ZMYND10: variants seen among roughly 807,000 people sequenced by gnomAD.
ZMYND10 encodes zinc finger MYND-type containing 10.
Under a neutral mutation model 62.6 loss-of-function variants are expected in ZMYND10, and 52 were observed. The ratio of observed to expected loss-of-function variants is 0.83; its 90% CI spans 0.67 to 1.05. The LOEUF is 1.05. Ranked by LOEUF, ZMYND10 falls within the 50% of genes least tolerant of loss-of-function variation. The pLI is 0.00. For synonymous variants in ZMYND10, 197 were observed against 218.5 expected (o/e 0.90, Z 0.87); for missense variants, 438 against 543.3 (o/e 0.81, Z 1.93).
rs139470906 is a variant in ZMYND10 at position 50,343,580 on chromosome 3, T to C, written c.355A>G (p.Thr119Ala). 1.2e-6 allele frequency: 2 copies of C among 1,614,112 alleles called. No homozygotes were observed. Among genetic ancestry groups the C allele is most frequent in the East Asian group, 2.2e-5 (1 of 44,886 alleles). ...TCCCTCACCTTGTGGAAGAACACTG[T>C]CTCCAAGAGGTTGATGATGGAGGCC... is the stretch of plus-strand genomic sequence containing the variant. ...HEASIINLLE[T>A]VFFHKEVCES... The change falls in exon 4 of 12, where the codon ACA becomes GCA. Residue 119 changes from threonine to alanine, a missense_variant. Transcript: ENST00000231749.
At chr3:50,342,888 G>A (rs1418357102) in intron 7 of ZMYND10, 30 bp downstream of exon 7, 4 of 1,607,652 alleles carry the variant, frequency 2.5e-6, no homozygotes, top group Non-Finnish European at 3.4e-6. Context: ...GCAGTAGCCT[G>A]GGGCTTAGGC....
At position 50,343,038 on chromosome 3, in the gene ZMYND10, G is replaced by C. The variant is rs1010955910; in HGVS notation, c.600-20C>G. 1.6e-5 allele frequency: 26 copies of C among 1,613,932 alleles called. No homozygotes were observed. The highest frequency in any genetic ancestry group is 2.2e-5 in the Non-Finnish European group (26 of 1,179,916). On this transcript the variant is annotated intron_variant, in intron 6 of 11. Transcript: ENST00000231749. ...GAGAGGCTAGGGGCAGGGACGTTGT[G>C]AAGGAGGTGAGTAGAGGCAGGCTAC...
rs779662306 is a variant in ZMYND10, at chr3:50,343,342, CA to C, written c.474del (p.Glu159ArgfsTer20). ...LVAQSGCGGP[P>X]EGEGSQDSNP... is the part of the protein sequence containing the mutation. ...TTGCTGTCCTGGGATCCCTCCCCCT[CA>C]GGGGGGCCACCACAGCCACTCTGGG... is the stretch of plus-strand genomic sequence containing the variant. On this transcript the variant is annotated frameshift_variant, in exon 5 of 12. Coordinates refer to ENST00000231749, the MANE Select transcript of ZMYND10 (RefSeq NM_015896.4). LOFTEE classifies it high-confidence loss of function. 7 of 1,612,680 alleles carry C rather than the reference CA, an allele frequency of 4.3e-6. No homozygotes were observed. The highest frequency in any genetic ancestry group is 5.1e-6 in the Non-Finnish European group (6 of 1,179,392).
Position 50,343,249 on chromosome 3 carries a change from C to T in ZMYND10, c.511-43G>A, listed in dbSNP as rs369685743. 62 of 1,613,826 alleles carry T rather than the reference C, an allele frequency of 3.8e-5. No homozygotes were observed. In the African/African-American group the frequency reaches 6.1e-4, roughly 16 times the overall value. ...GTTCACGCTGGGCCACCCTCACCTG[C>T]GCAGGCCTTGGGGAACCCAGACCTA... On this transcript the variant is annotated intron_variant, in intron 5 of 11. Coordinates refer to ENST00000231749, the MANE Select transcript of ZMYND10 (RefSeq NM_015896.4).
intron 7 of ZMYND10, 46 bp from the exon 8 acceptor site, chr3:50,342,615 T>G: frequency 6.3e-7 from 1 of 1,581,614 alleles, no homozygotes; most frequent in South Asian, 1.2e-5. Flanking sequence ...TGAATTCTCT[T>G]CAAGTGAGCC....
At position 50,345,245 on chromosome 3, in the gene ZMYND10, G is replaced by C; in HGVS notation, c.93-13C>G. ...CTGCTGGTTCCACCTGCCTCAGAGG[G>C]TAAGTGCATGTGCGTCCACGTGTGT... is the stretch of plus-strand genomic sequence containing the variant. On this transcript the variant is annotated splice_polypyrimidine_tract_variant and intron_variant, in intron 1 of 11. Coordinates refer to ENST00000231749, the MANE Select transcript of ZMYND10 (RefSeq NM_015896.4). This position sits in a 1 kb window ranked among gnomAD's most constrained non-coding sequence, Gnocchi z 5.0. The C allele has an allele frequency of 6.2e-7, 1 of 1,611,616 alleles. No homozygotes were observed. The highest frequency in any genetic ancestry group is 8.5e-7 in the Non-Finnish European group (1 of 1,178,874).
In ZMYND10 at chr3:50,343,607, C is replaced by T. The variant is rs773562663; in HGVS notation, c.328G>A (p.Glu110Lys). Residue 110 changes from glutamate (E) to lysine (K), a missense_variant, in exon 4 of 12, where the codon GAG becomes AAG. By Grantham distance (56) the Glu-to-Lys change is moderately conservative. Coordinates refer to ENST00000231749, the MANE Select transcript of ZMYND10 (RefSeq NM_015896.4). The part of the protein sequence containing the change: ...TFPIYMVVHH[E>K]ASIINLLETV... ...TCCAAGAGGTTGATGATGGAGGCCT[C>T]GTGGTGCACCTGTCAGATAAAGAGA... The T allele has an allele frequency of 1.9e-6, 3 of 1,614,014 alleles. No individual in the cohort carries two copies. Among genetic ancestry groups the T allele is most frequent in the African/African-American group, 2.7e-5 (2 of 74,904 alleles).
chr3:50,343,217 A>C lies in ZMYND10; in HGVS notation c.511-11T>G. On this transcript the variant is annotated splice_polypyrimidine_tract_variant and intron_variant, in intron 5 of 11. Transcript: ENST00000231749. ...CTGCTTCTGCAGCTCCTGGGAGGTC[A>C]CACAGTGTTCACGCTGGGCCACCCT... The C allele has an allele frequency of 6.2e-7, 1 of 1,614,116 alleles. No homozygotes were observed. The highest frequency in any genetic ancestry group is 8.5e-7 in the Non-Finnish European group (1 of 1,179,968).
rs755542699 is a variant in ZMYND10, at chr3:50,341,681, C to T, written c.1140G>A (p.Arg380=). Reference sequence around the variant, plus strand: ...GAGCCACTGCCTCTAGCACATCCAGCCTGTAGGTCTCAGCCCACCTGGGGG... The same window carrying T: ...GAGCCACTGCCTCTAGCACATCCAGTCTGTAGGTCTCAGCCCACCTGGGGG... ...LQARRWAETY[R]LDVLEAVAPE... Residue 380 remains arginine (R), a synonymous_variant, in exon 11 of 12, where the codon AGG becomes AGA. Transcript: ENST00000231749. 4.3e-6 allele frequency: 7 copies of T among 1,614,106 alleles called. No homozygotes were observed. Among genetic ancestry groups the T allele is most frequent in the African/African-American group, 2.7e-5 (2 of 74,948 alleles).
rs2109354301 is a variant in ZMYND10 at position 50,341,304 on chromosome 3, GGA to G, written c.*104_*105del. Reference sequence around the variant, plus strand: ...TACCGCCCGCTCTGCTCTCCACTGCGGAGACTGGGGCTCCGGCAGAGGCTGGA... The same window carrying G: ...TACCGCCCGCTCTGCTCTCCACTGCGGACTGGGGCTCCGGCAGAGGCTGGA... On this transcript the variant is annotated 3_prime_UTR_variant, in exon 12 of 12. Coordinates refer to ENST00000231749, the MANE Select transcript of ZMYND10 (RefSeq NM_015896.4). The G allele has an allele frequency of 7.2e-7, 1 of 1,389,160 alleles. No individual in the cohort carries two copies. The highest frequency in any genetic ancestry group is 2.3e-5 in the East Asian group (1 of 42,998). 86.1% of individuals were successfully genotyped at this position (1,389,160 alleles called of 1,614,324 possible).
At position 50,342,214 on chromosome 3, in the gene ZMYND10, G is replaced by C. The variant is rs1471796651; in HGVS notation, c.874-74C>G. 4 of 1,588,274 alleles carry C rather than the reference G, an allele frequency of 2.5e-6. No homozygotes were observed. In the East Asian group the frequency reaches 6.7e-5, roughly 27 times the overall value. On this transcript the variant is annotated intron_variant, in intron 8 of 11. Coordinates refer to ENST00000231749, the MANE Select transcript of ZMYND10 (RefSeq NM_015896.4). ...GGGCCAAGGAAAAGGAAGGGGCTGG[G>C]TTGGGCTGAGAATGCCTGTGGGGGC...
rs1343557059 is a variant in ZMYND10, at chr3:50,341,204, G to T, written c.*206C>A. 3 of 673,096 alleles carry T rather than the reference G, an allele frequency of 4.5e-6. No homozygotes were observed. The highest frequency in any genetic ancestry group is 7.5e-6 in the Non-Finnish European group (3 of 400,298). 41.7% of individuals were successfully genotyped at this position (673,096 alleles called of 1,614,324 possible). On this transcript the variant is annotated 3_prime_UTR_variant, in exon 12 of 12. Coordinates refer to ENST00000231749, the MANE Select transcript of ZMYND10 (RefSeq NM_015896.4). ...CCGGTTTGCTGAAGCAACACACTTG[G>T]CCTACCCACTGGGTGGGGCAGGAAG...
chr3:50,345,102 C>A lies in ZMYND10; in HGVS notation c.201+22G>T. ...GTGAGGTATGGGGGAAGGCAGGAAC[C>A]CTGCCTGTGACCTCGGGGTACCTTC... On this transcript the variant is annotated intron_variant, in intron 2 of 11. Coordinates refer to ENST00000231749, the MANE Select transcript of ZMYND10 (RefSeq NM_015896.4). This position sits in a 1 kb window ranked among gnomAD's most constrained non-coding sequence, Gnocchi z 5.0. 1.2e-6 allele frequency: 2 copies of A among 1,609,470 alleles called. No individual in the cohort carries two copies. Among genetic ancestry groups the A allele is most frequent in the Non-Finnish European group, 1.7e-6 (2 of 1,177,382 alleles).
At position 50,342,109 on chromosome 3, in the gene ZMYND10, T is replaced by C; in HGVS notation, c.905A>G (p.Asp302Gly). The C allele has an allele frequency of 6.2e-7, 1 of 1,613,246 alleles. No individual in the cohort carries two copies. The highest frequency in any genetic ancestry group is 8.5e-7 in the Non-Finnish European group (1 of 1,179,672). ...LRAFLTDTLL[D>G]QLPNLAHLQS... ...CAAGTGGGCCAGGTTGGGCAGCTGG[T>C]CCAGCAGTGTGTCTGTGAGGAAGGC... The change falls in exon 9 of 12, where the codon GAC (aspartate) becomes GGC (glycine). Residue 302 changes from aspartate to glycine, a missense_variant. By Grantham distance (94) the Asp-to-Gly change is moderately conservative. Transcript: ENST00000231749.
Position 50,345,270 on chromosome 3 carries a change from T to C in ZMYND10, c.93-38A>G. ...GTAAGTGCATGTGCGTCCACGTGTG[T>C]GCATTAGGAGTGGGGATGGGGGCTG... On this transcript the variant is annotated intron_variant, in intron 1 of 11. Transcript: ENST00000231749. The surrounding 1 kb of genome is among the most constrained non-coding windows in gnomAD (Gnocchi z 5.0). The C allele has an allele frequency of 6.3e-7, 1 of 1,599,620 alleles. No individual in the cohort carries two copies.
Position 50,345,426 on chromosome 3 carries a change from G to A in ZMYND10, c.92+62C>T, listed in dbSNP as rs190279431. 1.3e-6 allele frequency: 2 copies of A among 1,546,766 alleles called. No homozygotes were observed. Among genetic ancestry groups the A allele is most frequent in the African/African-American group, 2.7e-5 (2 of 73,250 alleles). ...ACTGGGCAGCCCCTCCCCCGAGTCA[G>A]GCCCCAGCTCCCCGACTCAAGGACA... On this transcript the variant is annotated intron_variant, in intron 1 of 11. Transcript: ENST00000231749. This position sits in a 1 kb window ranked among gnomAD's most constrained non-coding sequence, Gnocchi z 5.0.
chr3:50,345,404 G>A lies in ZMYND10; in HGVS notation c.92+84C>T, dbSNP rs1256556000. The A allele has an allele frequency of 4.6e-6, 7 of 1,535,456 alleles. No homozygotes were observed. The highest frequency in any genetic ancestry group is 5.3e-6 in the Non-Finnish European group (6 of 1,136,106). ...CCCCATTTGGGAGCCCCTCCACACT[G>A]GGCAGCCCCTCCCCCGAGTCAGGCC... is the stretch of plus-strand genomic sequence containing the variant. On this transcript the variant is annotated intron_variant, in intron 1 of 11. Coordinates refer to ENST00000231749, the MANE Select transcript of ZMYND10 (RefSeq NM_015896.4). This position sits in a 1 kb window ranked among gnomAD's most constrained non-coding sequence, Gnocchi z 5.0.
Position 50,345,263 on chromosome 3 carries a change from A to G in ZMYND10, c.93-31T>C. The G allele has an allele frequency of 6.2e-7, 1 of 1,604,400 alleles. No homozygotes were observed. The highest frequency in any genetic ancestry group is 1.1e-5 in the South Asian group (1 of 89,510). On this transcript the variant is annotated intron_variant, in intron 1 of 11. Coordinates refer to ENST00000231749, the MANE Select transcript of ZMYND10 (RefSeq NM_015896.4). The surrounding 1 kb of genome is among the most constrained non-coding windows in gnomAD (Gnocchi z 5.0). ...TCAGAGGGTAAGTGCATGTGCGTCC[A>G]CGTGTGTGCATTAGGAGTGGGGATG...
In ZMYND10 at chr3:50,343,391, G is replaced by T. The variant is rs200956176; in HGVS notation, c.426C>A (p.His142Gln). ...GGGCCACCAGCAGGGTCAGTTTGCG[G>T]TGGCAATAGTCTACCAAGTCCAAGA... is the stretch of plus-strand genomic sequence containing the variant. ...DTVLDLVDYC[H>Q]RKLTLLVAQS... Residue 142 changes from histidine (H) to glutamine (Q), a missense_variant, in exon 5 of 12, where the codon CAC (histidine) becomes CAA (glutamine). Physicochemically the swap from His to Gln is conservative, Grantham distance 24. Transcript: ENST00000231749. The T allele has an allele frequency of 6.2e-7, 1 of 1,613,648 alleles. No individual in the cohort carries two copies. Among genetic ancestry groups the T allele is most frequent in the South Asian group, 1.1e-5 (1 of 91,048 alleles).
Sources: allele counts gnomAD v4.1 joint callset, GRCh38; gene constraint gnomAD v4.1.1; non-coding constraint Gnocchi (gnomAD v3.1); transcripts MANE v1.5; gene names NCBI Gene and HGNC (gene_info 2026-07-23, HGNC 2026-07-21).